Variants in DMXL2 observed in about 807,000 individuals in gnomAD.
DMXL2 encodes dmX-like protein 2.
In DMXL2, 103 loss-of-function variants were observed where a neutral mutation model predicts 331.1. The observed-to-expected ratio is 0.31, with a 90% confidence interval of 0.27 to 0.37. DMXL2 has a LOEUF of 0.37. Among genes scored for constraint, DMXL2 ranks in the 10% least tolerant of loss-of-function variants. The pLI is 1.00. For missense variants in DMXL2, 3,171 were observed against 3,642.9 expected (o/e 0.87, Z 3.33); for synonymous variants, 1,281 against 1,252.1 (o/e 1.02, Z -0.49).
In DMXL2 at chr15:51,521,414, CTAGTAGTAGTAGTAG is replaced by C. The variant is rs10667947; in HGVS notation, c.2437-4262_2437-4248del. 4.0e-3 allele frequency among the ~76,000 whole-genome samples: 565 copies of C among 141,990 alleles called. 3 individuals carry two copies. The highest frequency in any genetic ancestry group is 7.1e-3 in the Middle Eastern group (2 of 280). The allele number at this position is 141,990 out of a possible 152,430, so 93.2% of individuals were successfully genotyped here. ...ACAATAATCACTAGATAAAAGTTTG[CTAGTAGTAGTAGTAG>C]TAGTAGTAGTAGTAGTAGTAGTAGT... On this transcript the variant is annotated intron_variant, in intron 13 of 43. Transcript: ENST00000560891.
intron 6 of DMXL2, among the ~76,000 whole-genome samples, chr15:51,561,007 G>T (rs1320849871): frequency 6.6e-6 from 1 of 151,126 alleles, no homozygotes; most frequent in African/African-American, 2.4e-5. Flanking sequence ...AAAAATCAGA[G>T]AATTTTAAAA....
intron 14 of DMXL2, among the ~76,000 whole-genome samples, chr15:51,516,215 C>T (rs977064721): frequency 6.6e-6 from 1 of 152,162 alleles, no homozygotes; most frequent in African/African-American, 2.4e-5. Context: ...TTAGTTCTAT[C>T]CCTTAGACCA....
chr15:51,620,777 G>A (rs1346063862), intron 1 of DMXL2, among the ~76,000 whole-genome samples: 1 of 152,158 alleles, frequency 6.6e-6, no homozygotes, highest in Non-Finnish European at 1.5e-5. Context: ...TTAGGGAAGT[G>A]CAAGAAGATT....
intron 6 of DMXL2, among the ~76,000 whole-genome samples, chr15:51,563,172 T>A (rs1567122038): frequency 6.6e-6 from 1 of 151,818 alleles, no homozygotes; most frequent in African/African-American, 2.4e-5. Flanking sequence ...CAAATAAGAG[T>A]AATAAGAATA....
rs557435848 is a variant in DMXL2, at chr15:51,518,770, C to T, written c.2437-1603G>A. Among the ~76,000 whole-genome samples, 600 of 152,244 alleles carry T rather than the reference C, an allele frequency of 3.9e-3. 5 individuals carry two copies. Among genetic ancestry groups the T allele is most frequent in the Non-Finnish European group, 6.8e-3 (465 of 68,010 alleles). On this transcript the variant is annotated intron_variant, in intron 13 of 43. Transcript: ENST00000560891. ...TATTCCAGCTAAGGATTTGCTTTCCCTGCCCACAACTCTCTGCCAGCACTA... is the reference window on the plus strand; with the variant it reads ...TATTCCAGCTAAGGATTTGCTTTCCTTGCCCACAACTCTCTGCCAGCACTA...
Position 51,491,863 on chromosome 15 carries a change from A to T in DMXL2, c.4784-116T>A, listed in dbSNP as rs2042825565. ...GGAAAGAATTTTGAAGCAGAAAGAAAGAATGAAAGGCAGTCTGTCATCATT... is the reference window on the plus strand; with the variant it reads ...GGAAAGAATTTTGAAGCAGAAAGAATGAATGAAAGGCAGTCTGTCATCATT... On this transcript the variant is annotated intron_variant, in intron 19 of 43. Transcript: ENST00000560891. 4.7e-6 allele frequency: 4 copies of T among 844,032 alleles called. No individual in the cohort carries two copies. In the South Asian group the frequency reaches 8.4e-5, roughly 18 times the overall value. 52.3% of individuals were successfully genotyped at this position (844,032 alleles called of 1,614,324 possible).
chr15:51,582,375 C>T (rs945517246), intron 1 of DMXL2, among the ~76,000 whole-genome samples: 2 of 152,076 alleles, frequency 1.3e-5, no homozygotes, highest in African/African-American at 2.4e-5. Context: ...AAATTTTTTG[C>T]TCTTTATTAA....
In DMXL2 at chr15:51,471,203, G is replaced by A. The variant is rs1011416129; in HGVS notation, c.7392+20C>T. On this transcript the variant is annotated intron_variant, in intron 29 of 43. Coordinates refer to ENST00000560891, the MANE Select transcript of DMXL2 (RefSeq NM_001378457.1). ...AGATGATAGACTTCTCTTAAAGCTT[G>A]CATTCCTCACACTCCTTACCTTTGC... 5 of 1,600,516 alleles carry A rather than the reference G, an allele frequency of 3.1e-6. No individual in the cohort carries two copies. In the African/African-American group the frequency reaches 6.7e-5, roughly 22 times the overall value.
intron 43 of DMXL2, 143 bp downstream of exon 43, chr15:51,449,986 C>T (rs948082369): frequency 2.7e-5 from 19 of 705,028 alleles, no homozygotes; most frequent in African/African-American, 1.1e-4. Flanking sequence ...CATGGGGAGG[C>T]GGCAGAGTGT....
chr15:51,497,261 T>C (rs762898400), intron 18 of DMXL2, among the ~76,000 whole-genome samples: 7 of 152,202 alleles, frequency 4.6e-5, no homozygotes, highest in Non-Finnish European at 7.3e-5. Flanking sequence ...TTGGGGGATA[T>C]ACTATAAGGA....
intron 29 of DMXL2, among the ~76,000 whole-genome samples, chr15:51,466,845 T>C (rs1344662219): frequency 1.3e-5 from 2 of 152,036 alleles, no homozygotes; most frequent in Middle Eastern, 3.4e-3. Context: ...CTGAAGTTCG[T>C]AGAGAAGAAA....
rs1002842742 is a variant in DMXL2 at position 51,622,731 on chromosome 15, G to GACC, written c.-189_-187dup. 6 of 1,174,718 alleles carry GACC rather than the reference G, an allele frequency of 5.1e-6. No homozygotes were observed. In the African/African-American group the frequency reaches 8.0e-5, roughly 16 times the overall value. 72.8% of individuals were successfully genotyped at this position (1,174,718 alleles called of 1,614,324 possible). A position where few individuals can be genotyped will look rare whatever the true frequency, so the allele number is the denominator to read the frequency against. ...CTCGTCCCTGCCATGGGAGCTCCTCGACCGCCGCCGCCGCCCGGGTCGCCG... is the reference window on the plus strand; with the variant it reads ...CTCGTCCCTGCCATGGGAGCTCCTCGACCACCGCCGCCGCCGCCCGGGTCGCCG... On this transcript the variant is annotated 5_prime_UTR_variant, in exon 1 of 44. Transcript: ENST00000560891.
intron 2 of DMXL2, among the ~76,000 whole-genome samples, chr15:51,569,623 A>C (rs1227515631): frequency 1.3e-5 from 2 of 152,198 alleles, no homozygotes; most frequent in Admixed American, 6.5e-5. Flanking sequence ...CAAAGCTCCC[A>C]GAGGTAGGAA....
At chr15:51,515,893 T>C (rs1358584132) in intron 14 of DMXL2, among the ~76,000 whole-genome samples, 2 of 152,088 alleles carry the variant, frequency 1.3e-5, no homozygotes, top group African/African-American at 2.4e-5. Flanking sequence ...TCCTATTGAG[T>C]AGAAAAAAGA....
chr15:51,589,326 T>C (rs1459194595), intron 1 of DMXL2, among the ~76,000 whole-genome samples: 1 of 152,210 alleles, frequency 6.6e-6, no homozygotes, highest in Non-Finnish European at 1.5e-5. Flanking sequence ...AAACAATGCA[T>C]AAAATCCCTA....
intron 6 of DMXL2, among the ~76,000 whole-genome samples, chr15:51,551,195 C>A (rs912248316): frequency 2.6e-5 from 4 of 151,788 alleles, no homozygotes; most frequent in African/African-American, 9.7e-5. Context: ...GGTATATTCT[C>A]AAAAATGTGA....
chr15:51,611,925 G>A (rs1445616485), intron 1 of DMXL2, among the ~76,000 whole-genome samples: 2 of 152,316 alleles, frequency 1.3e-5, no homozygotes, highest in African/African-American at 4.8e-5. Context: ...GGGAATAAAA[G>A]CTGGCTACCA....
chr15:51,556,142 G>C, intron 6 of DMXL2, among the ~76,000 whole-genome samples: 1 of 151,922 alleles, frequency 6.6e-6, no homozygotes, highest in East Asian at 1.9e-4. Flanking sequence ...AGGAGATCGA[G>C]ACCATCCTGG....
chr15:51,472,544 G>C (rs115582153), intron 28 of DMXL2, among the ~76,000 whole-genome samples: 113 of 151,996 alleles, frequency 7.4e-4, no homozygotes, highest in African/African-American at 2.6e-3. Flanking sequence ...CCTCCCCCTA[G>C]CCCATGGCAA....
Sources: allele counts gnomAD v4.1 joint callset (sites outside exome capture counted in the v4.1 genomes callset), GRCh38; gene constraint gnomAD v4.1.1; transcripts MANE v1.5; gene names NCBI Gene and HGNC (gene_info 2026-07-23, HGNC 2026-07-21).